The following SASS6 variants were observed in gnomAD, a reference collection of about 807,000 sequenced individuals.
SASS6 encodes the protein SAS-6 centriolar assembly protein.
In SASS6, 59 loss-of-function variants were observed where a neutral mutation model predicts 94.9. The ratio of observed to expected loss-of-function variants is 0.62; its 90% CI spans 0.50 to 0.77. SASS6 has a LOEUF of 0.77. Among genes scored for constraint, SASS6 ranks in the 30% least tolerant of loss-of-function variants. The pLI is 0.00. For synonymous variants in SASS6, 264 were observed against 270.0 expected, an observed-to-expected ratio of 0.98 and a Z score of 0.22; for missense variants, 698 against 734.1, an observed-to-expected ratio of 0.95 and a Z score of 0.57.
intron 11 of SASS6, 49 bp downstream of exon 11, chr1:100,107,325 A>C: frequency 8.2e-7 from 1 of 1,215,416 alleles, no homozygotes; most frequent in South Asian, 1.4e-5. Flanking sequence ...AAATTTTTAA[A>C]ACGAGGAAAA....
At chr1:100,086,030 A>G (rs982739522) in intron 15 of SASS6, among the ~76,000 whole-genome samples, 3 of 151,172 alleles carry the variant, frequency 2.0e-5, no homozygotes, top group African/African-American at 7.3e-5. Flanking sequence ...GAAATTTTCT[A>G]GTGCTTCAAA....
At chr1:100,091,476 G>A (rs1021149311) in intron 14 of SASS6, among the ~76,000 whole-genome samples, 2 of 151,650 alleles carry the variant, frequency 1.3e-5, no homozygotes, top group Non-Finnish European at 2.9e-5. Flanking sequence ...TAGAGTACTA[G>A]GGAAATGTAA....
chr1:100,112,978 C>T (rs928495197), intron 7 of SASS6, among the ~76,000 whole-genome samples: 7 of 152,116 alleles, frequency 4.6e-5, no homozygotes, highest in African/African-American at 1.4e-4. Flanking sequence ...TTTAAAGTCC[C>T]GAAGGGCTGC....
chr1:100,107,754 T>A, intron 9 of SASS6, 37 bp from the exon 10 acceptor site: 1 of 1,550,372 alleles, frequency 6.5e-7, no homozygotes, highest in Non-Finnish European at 8.9e-7. Flanking sequence ...AATTAGGGCA[T>A]TTGTGTTTAC....
intron 7 of SASS6, among the ~76,000 whole-genome samples, chr1:100,114,560 T>A (rs1557890281): frequency 1.3e-5 from 2 of 149,188 alleles, no homozygotes; most frequent in African/African-American, 5.0e-5. Flanking sequence ...AAAATAAAAA[T>A]AAAAAAAATT....
intron 8 of SASS6, among the ~76,000 whole-genome samples, chr1:100,108,858 C>T (rs962713052): frequency 1.3e-5 from 2 of 152,086 alleles, no homozygotes; most frequent in African/African-American, 4.8e-5. Context: ...AAAATCCTTA[C>T]GTAAATTGCC....
chr1:100,097,697 C>T (rs1267918246), intron 14 of SASS6, among the ~76,000 whole-genome samples: 1 of 152,034 alleles, frequency 6.6e-6, no homozygotes, highest in African/African-American at 2.4e-5. Context: ...GGCATGGTGG[C>T]ACACACCTGT....
At chr1:100,108,453 G>A (rs1318094913) in intron 8 of SASS6, among the ~76,000 whole-genome samples, 1 of 151,734 alleles carries the variant, frequency 6.6e-6, no homozygotes, top group East Asian at 1.9e-4. Flanking sequence ...ATCTTTCTAT[G>A]TCAATAAATG....
intron 14 of SASS6, among the ~76,000 whole-genome samples, chr1:100,088,440 G>A (rs1651456873): frequency 6.6e-6 from 1 of 152,048 alleles, no homozygotes; most frequent in Non-Finnish European, 1.5e-5. Context: ...ACAGGTACAC[G>A]CCACGAAGTC....
intron 8 of SASS6, among the ~76,000 whole-genome samples, chr1:100,108,908 T>C (rs1396964485): frequency 6.6e-6 from 1 of 152,002 alleles, no homozygotes; most frequent in East Asian, 1.9e-4. Context: ...CAATAAATGG[T>C]AGCAATTGTT....
intron 11 of SASS6, among the ~76,000 whole-genome samples, 184 bp from the exon 12 acceptor site, chr1:100,107,177 A>G (rs1652971131): frequency 6.6e-6 from 1 of 152,170 alleles, no homozygotes; most frequent in Non-Finnish European, 1.5e-5. Context: ...ATAGACATAC[A>G]TGAGCAATCA....
chr1:100,119,804 T>C (rs185558136), intron 6 of SASS6, among the ~76,000 whole-genome samples: 1 of 152,286 alleles, frequency 6.6e-6, no homozygotes, highest in East Asian at 1.9e-4. Flanking sequence ...AGGTCCCCAC[T>C]AGAAGCCAAG....
At chr1:100,104,339 T>C (rs1458189110) in intron 13 of SASS6, among the ~76,000 whole-genome samples, 2 of 152,224 alleles carry the variant, frequency 1.3e-5, no homozygotes, top group African/African-American at 4.8e-5. Flanking sequence ...ATGAAATTGT[T>C]GTGTTCAACA....
chr1:100,092,571 T>C (rs1046164727), intron 14 of SASS6, among the ~76,000 whole-genome samples: 1 of 151,048 alleles, frequency 6.6e-6, no homozygotes, highest in African/African-American at 2.4e-5. Flanking sequence ...AGTTTTTTTG[T>C]GTTTTTTTGT....
intron 14 of SASS6, among the ~76,000 whole-genome samples, chr1:100,095,675 G>A (rs1652054982): frequency 6.6e-6 from 1 of 152,124 alleles, no homozygotes; most frequent in East Asian, 1.9e-4. Flanking sequence ...AAATCCAACA[G>A]AATTTACCAA....
At chr1:100,112,097 G>A (rs1457316051) in intron 7 of SASS6, among the ~76,000 whole-genome samples, 1 of 151,730 alleles carries the variant, frequency 6.6e-6, no homozygotes, top group East Asian at 1.9e-4. Flanking sequence ...CATTCTGGAG[G>A]AAAAAAAATA....
Position 100,107,906 on chromosome 1 carries a change from T to C in SASS6, c.960A>G (p.Leu320=), listed in dbSNP as rs1359166632. 2.5e-6 allele frequency: 4 copies of C among 1,612,520 alleles called. No homozygotes were observed. The South Asian group carries it at 3.3e-5, about 13-fold the overall frequency. Residue 320 remains leucine, a synonymous_variant, in exon 9 of 17, where the codon CTA becomes CTG. Coordinates refer to ENST00000287482, the MANE Select transcript of SASS6 (RefSeq NM_194292.3). ...GTTCTAAAACTGCCACTTTTGTTTG[T>C]AGCTGATTAACGTGCTTTTCTTTCT... The part of the protein sequence containing the change: ...CHEKEKHVNQ[L]QTKVAVLEQE...
In SASS6 at chr1:100,108,079, T is replaced by C; in HGVS notation, c.862-75A>G. ...CTCATCTGGTTATTTATAATTAAGA[T>C]GTCTAACATATTAAAAAAAAGTCTT... On this transcript the variant is annotated intron_variant, in intron 8 of 16. Transcript: ENST00000287482. The C allele has an allele frequency of 5.0e-6, 4 of 798,550 alleles. No individual in the cohort carries two copies. The South Asian group carries it at 8.4e-5, about 17-fold the overall frequency. The allele number at this position is 798,550 out of a possible 1,614,324, so 49.5% of individuals were successfully genotyped here.
rs1196482659 is a variant in SASS6, at chr1:100,084,283, C to T, written c.*1045G>A. 2.0e-5 allele frequency: 3 copies of T among 151,924 alleles called. No individual in the cohort carries two copies. Among genetic ancestry groups the T allele is most frequent in the Admixed American group, 2.0e-4 (3 of 15,252 alleles). 9.4% of individuals were successfully genotyped at this position (151,924 alleles called of 1,614,324 possible). On this transcript the variant is annotated 3_prime_UTR_variant, in exon 17 of 17. Transcript: ENST00000287482. Reference sequence around the variant, plus strand: ...TTAAATTATCACATGAGCATTAGTACTTTATAAAAATTGATCTAGAAGACT... The same window carrying T: ...TTAAATTATCACATGAGCATTAGTATTTTATAAAAATTGATCTAGAAGACT...
Sources: allele counts gnomAD v4.1 joint callset (sites outside exome capture counted in the v4.1 genomes callset), GRCh38; gene constraint gnomAD v4.1.1; transcripts MANE v1.5; gene names NCBI Gene and HGNC (gene_info 2026-07-23, HGNC 2026-07-21).